Variants in SCRG1 observed in about 807,000 individuals in gnomAD.
SCRG1 encodes stimulator of chondrogenesis 1, also known as scrapie-responsive protein 1.
Under a neutral mutation model 7.7 loss-of-function variants are expected in SCRG1, and 3 were observed. The ratio of observed to expected loss-of-function variants is 0.39; its 90% CI spans 0.18 to 1.01. The LOEUF is 1.01. SCRG1 is among the 50% of genes least tolerant of loss of function. The pLI, the probability that SCRG1 is intolerant of heterozygous loss-of-function variation, is 0.36. For missense variants in SCRG1, 110 were observed against 117.2 expected (o/e 0.94, Z 0.28); for synonymous variants, 46 against 41.2 (o/e 1.12, Z -0.44).
At chr4:173,409,161 A>C (rs964000837), upstream of SCRG1, among the ~76,000 whole-genome samples, 4 of 152,042 alleles carry the variant, frequency 2.6e-5, no homozygotes, top group Admixed American at 6.5e-5. Context: ...ATAAGCCTGG[A>C]GGTTTTAGGG....
chr4:173,489,707 A>C, the SCRG1 span, among the ~76,000 whole-genome samples: 1 of 152,218 alleles, frequency 6.6e-6, no homozygotes, highest in Admixed American at 6.5e-5. Context: ...TTTAAATGTC[A>C]AACTAGATTT....
At chr4:173,485,102 T>A in the SCRG1 span, among the ~76,000 whole-genome samples, 8,432 of 13,492 alleles carry the variant, frequency 0.62, 3,113 homozygotes, top group Non-Finnish European at 0.76. Flanking sequence ...ATATTATATA[T>A]TATATATTAT....
the SCRG1 span, among the ~76,000 whole-genome samples, chr4:173,417,479 A>G: frequency 1.9e-4 from 29 of 152,324 alleles, no homozygotes; most frequent in Admixed American, 1.7e-3. Context: ...GAAAAAGACA[A>G]AAAAAGAATA....
upstream of SCRG1, among the ~76,000 whole-genome samples, chr4:173,401,396 A>T (rs1282211617): frequency 6.6e-6 from 1 of 152,158 alleles, no homozygotes; most frequent in Non-Finnish European, 1.5e-5. Context: ...CCACTTTAAG[A>T]GCTATCCGTC....
Position 173,391,202 on chromosome 4 carries a change from G to A in SCRG1, c.213C>T (p.Cys71=), listed in dbSNP as rs756533128. ...DGKGCEMICY[C]NFSELLCCPK... The stretch of plus-strand genomic sequence containing the variant: ...GGCAGCAGAGCAATTCGCTGAAGTT[G>A]CAGTAACAGATCATCTCACATCCCT... Residue 71 remains cysteine (C), a synonymous_variant, in exon 2 of 3, where the codon TGC becomes TGT. Coordinates refer to ENST00000296506, the MANE Select transcript of SCRG1 (RefSeq NM_007281.4). 6.2e-7 allele frequency: 1 copy of A among 1,614,156 alleles called. No individual in the cohort carries two copies. The highest frequency in any genetic ancestry group is 8.5e-7 in the Non-Finnish European group (1 of 1,180,016).
chr4:173,400,170 C>T (rs1739723445), upstream of SCRG1, among the ~76,000 whole-genome samples: 2 of 152,146 alleles, frequency 1.3e-5, no homozygotes, highest in Non-Finnish European at 2.9e-5. Context: ...AGACTAAAGA[C>T]AGAAAATACC....
the SCRG1 span, among the ~76,000 whole-genome samples, chr4:173,425,748 A>G: frequency 6.6e-6 from 1 of 152,224 alleles, no homozygotes; most frequent in African/African-American, 2.4e-5. Flanking sequence ...TCATGGAAAA[A>G]TATTAGCTCA....
the SCRG1 span, among the ~76,000 whole-genome samples, chr4:173,517,484 T>A: frequency 6.6e-6 from 1 of 152,082 alleles, no homozygotes; most frequent in African/African-American, 2.4e-5. Context: ...ACTGCTATTT[T>A]TTTTTTCTGG....
chr4:173,475,368 C>T, the SCRG1 span, among the ~76,000 whole-genome samples: 2 of 152,178 alleles, frequency 1.3e-5, no homozygotes, highest in African/African-American at 4.8e-5. Flanking sequence ...GGATGCTAAA[C>T]ATTCTGCAAG....
At chr4:173,498,093 C>T in the SCRG1 span, among the ~76,000 whole-genome samples, 2 of 152,166 alleles carry the variant, frequency 1.3e-5, no homozygotes, top group African/African-American at 4.8e-5. Context: ...CTATTCTGAA[C>T]ATTGGATTTA....
At chr4:173,448,874 T>C in the SCRG1 span, among the ~76,000 whole-genome samples, 1 of 152,228 alleles carries the variant, frequency 6.6e-6, no homozygotes, top group Non-Finnish European at 1.5e-5. Context: ...TACAATAGCC[T>C]CCTTGTACAG....
chr4:173,491,231 T>TTTA, the SCRG1 span, among the ~76,000 whole-genome samples: 6 of 151,522 alleles, frequency 4.0e-5, no homozygotes, highest in African/African-American at 1.2e-4. Flanking sequence ...TTTTTTTTTT[T>TTTA]TAACAGTTTT....
At chr4:173,479,011 G>T in the SCRG1 span, among the ~76,000 whole-genome samples, 1,754 of 152,288 alleles carry the variant, frequency 0.012, 43 homozygotes, top group African/African-American at 0.04. Context: ...TATACTAAGA[G>T]TCTACTAGCC....
the SCRG1 span, among the ~76,000 whole-genome samples, chr4:173,484,683 T>TATATTATATATTATATGCATATAATGC: frequency 2.0e-5 from 1 of 50,088 alleles, no homozygotes; most frequent in South Asian, 6.6e-4. Context: ...ATGTATAATA[T>TATATTATATATTATATGCATATAATGC]ATATTATATA....
At chr4:173,412,738 T>C in the SCRG1 span, among the ~76,000 whole-genome samples, 1 of 152,220 alleles carries the variant, frequency 6.6e-6, no homozygotes, top group Non-Finnish European at 1.5e-5. Flanking sequence ...TTGCCTTGGG[T>C]AATCTTTTCC....
the SCRG1 span, chr4:173,419,436 A>G: frequency 1.9e-6 from 2 of 1,069,172 alleles, no homozygotes; most frequent in Non-Finnish European, 1.4e-6. Context: ...TCCTCCATCA[A>G]GTCTGGAGTT....
At chr4:173,501,178 C>T in the SCRG1 span, among the ~76,000 whole-genome samples, 1 of 152,222 alleles carries the variant, frequency 6.6e-6, no homozygotes, top group African/African-American at 2.4e-5. This position sits in a 1 kb window ranked among gnomAD's most constrained non-coding sequence, Gnocchi z 5.1. Context: ...TCTCGGCAAG[C>T]ACTTCCGGGG....
the SCRG1 span, among the ~76,000 whole-genome samples, chr4:173,473,770 G>T: frequency 2.0e-5 from 3 of 152,308 alleles, no homozygotes; most frequent in Admixed American, 2.0e-4. Context: ...GCCTCACTCT[G>T]TTGTGCTAAA....
the SCRG1 span, among the ~76,000 whole-genome samples, chr4:173,482,545 C>T: frequency 6.6e-6 from 1 of 152,124 alleles, no homozygotes; most frequent in Non-Finnish European, 1.5e-5. Flanking sequence ...GCACAGGGCA[C>T]AGTGGCTCAT....
Sources: allele counts gnomAD v4.1 joint callset (sites outside exome capture counted in the v4.1 genomes callset), GRCh38; gene constraint gnomAD v4.1.1; non-coding constraint Gnocchi (gnomAD v3.1); transcripts MANE v1.5; gene names NCBI Gene and HGNC (gene_info 2026-07-23, HGNC 2026-07-21).